Variants in LNPK observed in about 807,000 individuals in gnomAD.
The protein encoded by LNPK is lunapark, ER junction formation factor.
Under a neutral mutation model 55.2 loss-of-function variants are expected in LNPK, and 29 were observed. The ratio of observed to expected loss-of-function variants is 0.53; its 90% CI spans 0.39 to 0.72. The LOEUF (loss-of-function observed/expected upper bound fraction) is 0.72, where lower values mean the gene tolerates loss of function less well. LNPK is among the 30% of genes least tolerant of loss of function. The probability of loss-of-function intolerance (pLI) is 0.00; values close to 1 mark genes in which losing one functional copy is unlikely to be tolerated. For synonymous variants in LNPK, 162 were observed against 168.2 expected (o/e 0.96, Z 0.29); for missense variants, 467 against 494.8 (o/e 0.94, Z 0.53).
intron 8 of LNPK, among the ~76,000 whole-genome samples, chr2:175,952,448 TAA>T (rs969856908): frequency 9.2e-5 from 14 of 152,124 alleles, no homozygotes; most frequent in African/African-American, 3.4e-4. Flanking sequence ...CTGTATTTTT[TAA>T]CTTATTTGAA....
At chr2:175,938,007 T>G (rs1024932622) in intron 11 of LNPK, among the ~76,000 whole-genome samples, 2 of 152,178 alleles carry the variant, frequency 1.3e-5, no homozygotes, top group African/African-American at 4.8e-5. Context: ...TGCCTGGACC[T>G]CATACTCAGT....
rs537985355 is a variant in LNPK, at chr2:176,002,187, G to A, written c.-90C>T. Reference sequence around the variant, plus strand: ...GCAAGAAGCGGGCGCAGCCCGGCCCGGGCGTCCACCCCCGCCAGTCTCGGC... The same window carrying A: ...GCAAGAAGCGGGCGCAGCCCGGCCCAGGCGTCCACCCCCGCCAGTCTCGGC... On this transcript the variant is annotated 5_prime_UTR_variant, in exon 1 of 13. Transcript: ENST00000272748. 2 of 446,342 alleles carry A rather than the reference G, an allele frequency of 4.5e-6. No homozygotes were observed. Among genetic ancestry groups the A allele is most frequent in the South Asian group, 3.2e-5 (2 of 63,420 alleles). 27.6% of individuals were successfully genotyped at this position (446,342 alleles called of 1,614,324 possible).
intron 5 of LNPK, among the ~76,000 whole-genome samples, chr2:175,979,205 G>C (rs1174536238): frequency 6.6e-6 from 1 of 152,042 alleles, no homozygotes; most frequent in Non-Finnish European, 1.5e-5. Context: ...ACAAGACTCT[G>C]TAACAAACCA....
At chr2:175,962,641 T>C (rs1327151383) in intron 8 of LNPK, among the ~76,000 whole-genome samples, 3 of 152,146 alleles carry the variant, frequency 2.0e-5, no homozygotes, top group East Asian at 1.9e-4. Flanking sequence ...GACACAGGCA[T>C]GGGCAAGGAC....
chr2:175,956,395 G>A (rs1685697596), intron 8 of LNPK, among the ~76,000 whole-genome samples: 2 of 151,490 alleles, frequency 1.3e-5, no homozygotes, highest in South Asian at 4.2e-4. Flanking sequence ...TTTGCAACCA[G>A]AAATAACTGA....
chr2:176,002,110 GC>G (rs1688187866), intron 1 of LNPK, 49 bp downstream of exon 1: 1 of 383,512 alleles, frequency 2.6e-6, no homozygotes, highest in South Asian at 1.8e-5. Flanking sequence ...AGCTCAGCAT[GC>G]CTCCCCGCTG....
At chr2:175,957,816 G>A (rs1011863718) in intron 8 of LNPK, among the ~76,000 whole-genome samples, 11 of 152,202 alleles carry the variant, frequency 7.2e-5, no homozygotes, top group Admixed American at 2.0e-4. Flanking sequence ...AAGGGAAGCC[G>A]TCACAGACAC....
At chr2:175,975,817 C>T (rs1183710595) in intron 5 of LNPK, among the ~76,000 whole-genome samples, 2 of 152,112 alleles carry the variant, frequency 1.3e-5, no homozygotes, top group African/African-American at 2.4e-5. Flanking sequence ...TTGAGACCAG[C>T]TTGGACAAAA....
chr2:175,936,577 A>G (rs777848129), intron 12 of LNPK, among the ~76,000 whole-genome samples: 6 of 152,142 alleles, frequency 3.9e-5, no homozygotes, highest in Non-Finnish European at 7.4e-5. Context: ...AATTGTGGCA[A>G]TCTTCATAAT....
chr2:175,981,809 G>C (rs1275714780), intron 4 of LNPK, among the ~76,000 whole-genome samples: 1 of 152,100 alleles, frequency 6.6e-6, no homozygotes. Flanking sequence ...ATTTACCTAA[G>C]AACAAAAGAT....
chr2:175,937,594 C>T, intron 11 of LNPK, 80 bp from the exon 12 acceptor site: 4 of 981,692 alleles, frequency 4.1e-6, no homozygotes, highest in Non-Finnish European at 4.5e-6. Context: ...CACAAGATCA[C>T]TTTTGCAGAT....
At chr2:175,962,259 A>C (rs62187007) in intron 8 of LNPK, among the ~76,000 whole-genome samples, 8 of 152,174 alleles carry the variant, frequency 5.3e-5, no homozygotes, top group African/African-American at 1.9e-4. Context: ...AATCCTAAGC[A>C]AAAAGAACAA....
intron 8 of LNPK, among the ~76,000 whole-genome samples, chr2:175,955,958 C>T (rs1400640137): frequency 6.6e-6 from 1 of 152,086 alleles, no homozygotes; most frequent in Non-Finnish European, 1.5e-5. Context: ...AGGTGGTGTC[C>T]TCCTAGAAAA....
At chr2:176,001,792 C>CCCA (rs1419618549) in intron 1 of LNPK, among the ~76,000 whole-genome samples, 5 of 152,244 alleles carry the variant, frequency 3.3e-5, no homozygotes, top group Non-Finnish European at 7.4e-5. Context: ...CTTTGCCCCA[C>CCCA]CTGTGTCGAG....
At chr2:175,955,435 C>T (rs1432837314) in intron 8 of LNPK, among the ~76,000 whole-genome samples, 1 of 152,164 alleles carries the variant, frequency 6.6e-6, no homozygotes, top group Non-Finnish European at 1.5e-5. Flanking sequence ...ATGTGAGACA[C>T]AGATAAGCTG....
chr2:175,946,244 A>G (rs1685116415), intron 9 of LNPK, among the ~76,000 whole-genome samples: 1 of 152,180 alleles, frequency 6.6e-6, no homozygotes, highest in South Asian at 2.1e-4. Context: ...ATACAAATGT[A>G]TATAATCCAT....
intron 9 of LNPK, chr2:175,940,891 T>A: frequency 2.4e-6 from 1 of 421,892 alleles, no homozygotes. Flanking sequence ...AGATTATGTG[T>A]ACAACAGTTT....
chr2:175,941,790 C>CAAAAAAAA (rs59162981), intron 9 of LNPK, among the ~76,000 whole-genome samples: 12 of 51,914 alleles, frequency 2.3e-4, no homozygotes, highest in Admixed American at 5.3e-4. Flanking sequence ...GATTCCATCT[C>CAAAAAAAA]AAAAAAAAAA....
In LNPK at chr2:175,938,291, C is replaced by A. The variant is rs778215234; in HGVS notation, c.883+22G>T. 1.7e-4 allele frequency: 248 copies of A among 1,431,260 alleles called. 1 individual carries two copies. Among genetic ancestry groups the A allele is most frequent in the Non-Finnish European group, 2.4e-4 (242 of 1,026,282 alleles). 88.7% of individuals were successfully genotyped at this position (1,431,260 alleles called of 1,614,324 possible). On this transcript the variant is annotated intron_variant, in intron 11 of 12. Transcript: ENST00000272748. ...ATATTTAAGCATAAAATATTTAAAT[C>A]TCATTGCCCAATAATTCTTACCAAT...
Sources: gnomAD v4.1 joint callset for allele counts (sites outside exome capture counted in the v4.1 genomes callset) on GRCh38, gnomAD v4.1.1 for gene constraint, MANE v1.5 for transcripts, NCBI Gene and HGNC (gene_info 2026-07-23, HGNC 2026-07-21) for gene names.